The following PLCL1 variants were observed in gnomAD, a reference collection of about 807,000 sequenced individuals.
PLCL1 encodes inactive phospholipase C-like protein 1.
A neutral mutation model predicts 84.4 loss-of-function variants in PLCL1; 41 were observed. That is an observed-to-expected ratio of 0.49 (90% confidence interval 0.38 to 0.63). The LOEUF (loss-of-function observed/expected upper bound fraction) is 0.63, where lower values mean the gene tolerates loss of function less well. PLCL1 is among the 30% of genes least tolerant of loss of function. The probability of loss-of-function intolerance (pLI) is 0.00; values close to 1 mark genes in which losing one functional copy is unlikely to be tolerated. For missense variants in PLCL1, 1,206 were observed against 1,367.8 expected (o/e 0.88, Z 1.87); for synonymous variants, 490 against 488.3 (o/e 1.00, Z -0.05).
chr2:198,011,025 G>A (rs1690856933), intron 1 of PLCL1, among the ~76,000 whole-genome samples: 1 of 151,020 alleles, frequency 6.6e-6, no homozygotes, highest in Admixed American at 6.6e-5. Flanking sequence ...TTCTTTGTTA[G>A]TCTAGCTAAG....
chr2:197,820,561 A>T (rs1463872326), intron 1 of PLCL1, among the ~76,000 whole-genome samples: 2 of 152,176 alleles, frequency 1.3e-5, no homozygotes, highest in Non-Finnish European at 2.9e-5. Flanking sequence ...TTTTCATTGC[A>T]TGAAGCCTGT....
chr2:198,019,654 T>A (rs982233282), intron 1 of PLCL1, among the ~76,000 whole-genome samples: 1 of 152,032 alleles, frequency 6.6e-6, no homozygotes, highest in Non-Finnish European at 1.5e-5. Flanking sequence ...AAGATCAACT[T>A]AATGAAATAA....
chr2:198,086,233 G>T lies in PLCL1; in HGVS notation c.2715+1G>T. On this transcript the variant is annotated splice_donor_variant, in intron 2 of 5. Coordinates refer to ENST00000428675, the MANE Select transcript of PLCL1 (RefSeq NM_006226.4). LOFTEE classifies it high-confidence loss of function. ...CATAGATATGAGAGAAAATATGCAG[G>T]TAGGAGAAACACTCACACTCTCCTT... 6.3e-7 allele frequency: 1 copy of T among 1,576,960 alleles called. No homozygotes were observed. Among genetic ancestry groups the T allele is most frequent in the Non-Finnish European group, 8.7e-7 (1 of 1,154,164 alleles).
chr2:198,017,610 C>G (rs1048615852), intron 1 of PLCL1, among the ~76,000 whole-genome samples: 3 of 152,172 alleles, frequency 2.0e-5, no homozygotes, highest in Non-Finnish European at 2.9e-5. Context: ...TTGGACAGAC[C>G]TGGGTAGCAC....
intron 1 of PLCL1, among the ~76,000 whole-genome samples, chr2:198,033,886 C>T (rs1012384451): frequency 2.6e-5 from 4 of 151,804 alleles, no homozygotes; most frequent in Non-Finnish European, 4.4e-5. Context: ...GGGAGGTAAC[C>T]GCAGCCTGCC....
chr2:197,826,008 C>T (rs1574899064), intron 1 of PLCL1, among the ~76,000 whole-genome samples: 1 of 152,092 alleles, frequency 6.6e-6, no homozygotes, highest in East Asian at 1.9e-4. Context: ...GTCGGTAATT[C>T]ACTACATAAT....
At chr2:198,001,913 A>G (rs1425995618) in intron 1 of PLCL1, 1 of 402,942 alleles carries the variant, frequency 2.5e-6, no homozygotes, top group East Asian at 7.3e-5. Flanking sequence ...ATAAGAATCT[A>G]ATGACTGATG....
At chr2:198,106,117 A>G (rs980698898) in intron 5 of PLCL1, among the ~76,000 whole-genome samples, 3 of 151,920 alleles carry the variant, frequency 2.0e-5, no homozygotes, top group Non-Finnish European at 2.9e-5. Context: ...ATCTCATTTT[A>G]CAGGTGAGAA....
chr2:197,888,839 T>C (rs867505005), intron 1 of PLCL1, among the ~76,000 whole-genome samples: 3 of 152,164 alleles, frequency 2.0e-5, no homozygotes, highest in African/African-American at 7.2e-5. Context: ...TTCTTTCTAA[T>C]ATTGGAATTA....
rs1023634242 is a variant in PLCL1, at chr2:198,147,364, C to T, written c.*402C>T. The T allele has an allele frequency of 1.3e-5, 2 of 153,604 alleles. No homozygotes were observed. Among genetic ancestry groups the T allele is most frequent in the African/African-American group, 4.8e-5 (2 of 41,478 alleles). The allele number at this position is 153,604 out of a possible 1,614,324, so 9.5% of individuals were successfully genotyped here. Reference sequence around the variant, plus strand: ...TTTTAATCTGAAATTCTAAAGAGCACTTACTGTAACCTGTTGCTGTGTTTA... The same window carrying T: ...TTTTAATCTGAAATTCTAAAGAGCATTTACTGTAACCTGTTGCTGTGTTTA... On this transcript the variant is annotated 3_prime_UTR_variant, in exon 6 of 6. Coordinates refer to ENST00000428675, the MANE Select transcript of PLCL1 (RefSeq NM_006226.4).
rs533227574 is a variant in PLCL1, at chr2:197,944,421, A to G, written c.240+139082A>G. ...TGCTGTGCCTGAGTCTCAAGCTCCT[A>G]TGGCTCACATTCTCTGGAGAATAAA... On this transcript the variant is annotated intron_variant, in intron 1 of 5. Coordinates refer to ENST00000428675, the MANE Select transcript of PLCL1 (RefSeq NM_006226.4). Among the ~76,000 whole-genome samples, 17 of 152,230 alleles carry G rather than the reference A, an allele frequency of 1.1e-4. No homozygotes were observed. The South Asian group carries it at 3.3e-3, about 30-fold the overall frequency.
At chr2:198,139,203 T>C (rs1694326895) in intron 5 of PLCL1, among the ~76,000 whole-genome samples, 1 of 152,124 alleles carries the variant, frequency 6.6e-6, no homozygotes, top group Non-Finnish European at 1.5e-5. Flanking sequence ...TGTATGGACA[T>C]TATTTACTTC....
intron 5 of PLCL1, among the ~76,000 whole-genome samples, chr2:198,139,933 T>G (rs1694344163): frequency 6.6e-6 from 1 of 151,902 alleles, no homozygotes; most frequent in Admixed American, 6.6e-5. Context: ...TTAAATTTCA[T>G]ACTTTTTTTT....
At chr2:198,010,067 T>G (rs911548072) in intron 1 of PLCL1, among the ~76,000 whole-genome samples, 3 of 152,038 alleles carry the variant, frequency 2.0e-5, no homozygotes, top group African/African-American at 7.2e-5. Flanking sequence ...TTATTAGTTC[T>G]AACATTTTTG....
At chr2:197,992,430 A>G (rs1439884145) in intron 1 of PLCL1, among the ~76,000 whole-genome samples, 2 of 151,444 alleles carry the variant, frequency 1.3e-5, no homozygotes, top group Non-Finnish European at 2.9e-5. Context: ...ATGCCCAACT[A>G]ATTTTTGTGT....
At chr2:197,932,805 G>A (rs1688967693) in intron 1 of PLCL1, among the ~76,000 whole-genome samples, 1 of 152,166 alleles carries the variant, frequency 6.6e-6, no homozygotes, top group Admixed American at 6.6e-5. Flanking sequence ...AAGCAGGATT[G>A]GGAGATGGCA....
chr2:198,054,292 G>C (rs1345828308), intron 1 of PLCL1, among the ~76,000 whole-genome samples: 1 of 152,174 alleles, frequency 6.6e-6, no homozygotes, highest in Non-Finnish European at 1.5e-5. Context: ...AAATCAATAA[G>C]TGTTGGACTT....
intron 1 of PLCL1, among the ~76,000 whole-genome samples, chr2:197,990,246 C>T (rs1288034375): frequency 2.0e-5 from 3 of 152,172 alleles, no homozygotes; most frequent in Non-Finnish European, 4.4e-5. Flanking sequence ...AAATGGAATA[C>T]AGTTTCTGTT....
At chr2:198,138,459 A>G (rs1422960021) in intron 5 of PLCL1, among the ~76,000 whole-genome samples, 1 of 152,172 alleles carries the variant, frequency 6.6e-6, no homozygotes, top group Non-Finnish European at 1.5e-5. Flanking sequence ...ACAATTCAAC[A>G]TGAGATTTGG....
Sources: allele counts gnomAD v4.1 joint callset (sites outside exome capture counted in the v4.1 genomes callset), GRCh38; gene constraint gnomAD v4.1.1; transcripts MANE v1.5; gene names NCBI Gene and HGNC (gene_info 2026-07-23, HGNC 2026-07-21).